AK8: variants seen among roughly 807,000 people sequenced by gnomAD.
AK8 encodes ATP-AMP transphosphorylase 8.
In AK8, 44 loss-of-function variants were observed where a neutral mutation model predicts 54.6. That is an observed-to-expected ratio of 0.81 (90% CI 0.63 to 1.04). The LOEUF (loss-of-function observed/expected upper bound fraction) is 1.04, where lower values mean the gene tolerates loss of function less well. Among genes scored for constraint, AK8 ranks in the 50% least tolerant of loss-of-function variants. The pLI, the probability that AK8 is intolerant of heterozygous loss-of-function variation, is 0.00. For missense variants in AK8, 555 were observed against 613.6 expected, an observed-to-expected ratio of 0.90 and a Z score of 1.01; for synonymous variants, 239 against 245.6, an observed-to-expected ratio of 0.97 and a Z score of 0.25.
chr9:132,759,872 TCGG>T (rs577286598), intron 11 of AK8, among the ~76,000 whole-genome samples: 37 of 152,314 alleles, frequency 2.4e-4, no homozygotes, highest in African/African-American at 8.9e-4. Context: ...TTGTCTTTCT[TCGG>T]GAATAACTTG....
intron 5 of AK8, among the ~76,000 whole-genome samples, chr9:132,846,913 C>G (rs1195784888): frequency 6.6e-6 from 1 of 152,250 alleles, no homozygotes; most frequent in Admixed American, 6.5e-5. Flanking sequence ...TCCCGTGAAG[C>G]TGGAGAAGCT....
At chr9:132,802,079 C>G (rs1840484929) in intron 10 of AK8, among the ~76,000 whole-genome samples, 1 of 152,224 alleles carries the variant, frequency 6.6e-6, no homozygotes, top group Admixed American at 6.5e-5. Flanking sequence ...CCAAGGCTTC[C>G]TCCTCTTCAT....
chr9:132,809,696 A>G (rs1840906172), intron 10 of AK8, among the ~76,000 whole-genome samples: 1 of 152,192 alleles, frequency 6.6e-6, no homozygotes, highest in Non-Finnish European at 1.5e-5. Context: ...GCAAACTCTG[A>G]GGTCTGTCTC....
In AK8 at chr9:132,784,241, C is replaced by G. The variant is rs145640068; in HGVS notation, c.1121+8393G>C. 5.7e-3 allele frequency among the ~76,000 whole-genome samples: 871 copies of G among 151,890 alleles called. 3 individuals are homozygous for G. The highest frequency in any genetic ancestry group is 0.017 in the African/African-American group (705 of 41,386). ...AGGCAAAAGAAACACATCCATAGGC[C>G]GGGCGCAGTGGCTCATGCCTGTAAT... On this transcript the variant is annotated intron_variant, in intron 11 of 12. Coordinates refer to ENST00000298545, the MANE Select transcript of AK8 (RefSeq NM_152572.3).
intron 7 of AK8, 39 bp downstream of exon 7, chr9:132,827,974 A>C (rs764290020): frequency 7.1e-6 from 11 of 1,546,754 alleles, no homozygotes; most frequent in Non-Finnish European, 9.6e-6. Context: ...ATGGACTCTG[A>C]AACCCCATGG....
chr9:132,830,912 A>C (rs1474044298), intron 5 of AK8, among the ~76,000 whole-genome samples: 1 of 152,166 alleles, frequency 6.6e-6, no homozygotes, highest in South Asian at 2.1e-4. Flanking sequence ...TACTCTTTAC[A>C]TGTAAATAGT....
chr9:132,793,759 C>T (rs1840039246), intron 10 of AK8, among the ~76,000 whole-genome samples: 1 of 152,204 alleles, frequency 6.6e-6, no homozygotes, highest in Admixed American at 6.5e-5. Flanking sequence ...TAGCAATTTG[C>T]ACTGTGTTTC....
intron 11 of AK8, among the ~76,000 whole-genome samples, chr9:132,756,504 T>A (rs1323194789): frequency 1.3e-5 from 2 of 152,238 alleles, no homozygotes; most frequent in African/African-American, 4.8e-5. Context: ...AACAAATTCC[T>A]TTTAAACCAC....
At chr9:132,865,793 C>A (rs1226627882) in intron 3 of AK8, among the ~76,000 whole-genome samples, 1 of 149,184 alleles carries the variant, frequency 6.7e-6, no homozygotes, top group African/African-American at 2.5e-5. Flanking sequence ...AACCTAGCAA[C>A]AGAGGGAGAC....
At position 132,799,430 on chromosome 9, in the gene AK8, G is replaced by A. The variant is rs1330863101; in HGVS notation, c.980-6655C>T. ...CCTAGGGCAAACAGGAAAGAGCTGA[G>A]TGCCTCCCCACACACCCTTGCACAT... On this transcript the variant is annotated intron_variant, in intron 10 of 12. Transcript: ENST00000298545. This position sits in a 1 kb window ranked among gnomAD's most constrained non-coding sequence, Gnocchi z 5.0. 6.6e-6 allele frequency among the ~76,000 whole-genome samples: 1 copy of A among 152,002 alleles called. No individual in the cohort carries two copies. The highest frequency in any genetic ancestry group is 2.4e-5 in the African/African-American group (1 of 41,368).
At position 132,738,058 on chromosome 9, in the gene AK8, T is replaced by C. The variant is rs1590173662; in HGVS notation, c.1122-10524A>G. On this transcript the variant is annotated intron_variant, in intron 11 of 12. Coordinates refer to ENST00000298545, the MANE Select transcript of AK8 (RefSeq NM_152572.3). ...ACAAGATTTCCCATTGCTGAATTAC[T>C]TTTTTTTTTTTTTGAGACAGAGTCT... 1.0e-3 allele frequency among the ~76,000 whole-genome samples: 5 copies of C among 4,898 alleles called. No individual in the cohort carries two copies. In the South Asian group the frequency reaches 0.05, roughly 49 times the overall value. The allele number at this position is 4,898 out of a possible 152,430, so 3.2% of individuals were successfully genotyped here.
chr9:132,878,258 A>G lies in AK8; in HGVS notation c.-3T>C. On this transcript the variant is annotated 5_prime_UTR_variant, in exon 1 of 13. Transcript: ENST00000298545. This position sits in a 1 kb window ranked among gnomAD's most constrained non-coding sequence, Gnocchi z 4.7. ...TGCGGGGCGATAGTGGCGTCCATGT[A>G]GCCGTCTCGGCTCGCCGCTCCCTAG... The G allele has an allele frequency of 1.5e-6, 2 of 1,367,542 alleles. No individual in the cohort carries two copies. Among genetic ancestry groups the G allele is most frequent in the Non-Finnish European group, 1.9e-6 (2 of 1,051,884 alleles). 84.7% of individuals were successfully genotyped at this position (1,367,542 alleles called of 1,614,324 possible).
chr9:132,727,522 C>G lies in AK8; in HGVS notation c.1134G>C (p.Leu378=). 6.2e-7 allele frequency: 1 copy of G among 1,613,868 alleles called. No individual in the cohort carries two copies. The change falls in exon 12 of 13, where the codon CTG becomes CTC. Residue 378 remains leucine (L), a synonymous_variant. Transcript: ENST00000298545. The stretch of plus-strand genomic sequence containing the variant: ...CCATGATGGAATCAAATGGCACATT[C>G]AGGAAAAACACCCTATAAGGAAATA... ...LGYNPNRVFF[L]NVPFDSIMER...
chr9:132,737,807 A>C (rs577466363), intron 11 of AK8, among the ~76,000 whole-genome samples: 1 of 152,368 alleles, frequency 6.6e-6, no homozygotes, highest in Non-Finnish European at 1.5e-5. Flanking sequence ...CCTAAAATTG[A>C]GAACAAGGCA....
intron 5 of AK8, among the ~76,000 whole-genome samples, chr9:132,836,850 C>A (rs1471002929): frequency 6.6e-6 from 1 of 152,220 alleles, no homozygotes; most frequent in African/African-American, 2.4e-5. Context: ...ATCTGTATAA[C>A]AGGAATGATG....
intron 11 of AK8, among the ~76,000 whole-genome samples, chr9:132,780,274 G>A (rs973974773): frequency 3.9e-5 from 6 of 152,188 alleles, no homozygotes; most frequent in South Asian, 2.1e-4. Context: ...TTTTGTCCTC[G>A]GAAATCTAAG....
chr9:132,875,256 C>T, intron 1 of AK8, 57 bp from the exon 2 acceptor site: 1 of 1,600,628 alleles, frequency 6.2e-7, no homozygotes, highest in South Asian at 1.1e-5. Context: ...ACCTGGTCAC[C>T]ACAGATACCA....
chr9:132,748,863 C>A (rs1402823452), intron 11 of AK8, among the ~76,000 whole-genome samples: 1 of 151,774 alleles, frequency 6.6e-6, no homozygotes, highest in Admixed American at 6.6e-5. Context: ...GATGAAGTGG[C>A]TAAGTTGTGT....
chr9:132,794,306 G>C (rs1038512292), intron 10 of AK8, among the ~76,000 whole-genome samples: 3 of 152,218 alleles, frequency 2.0e-5, no homozygotes, highest in African/African-American at 7.2e-5. Context: ...AGGATAAAGA[G>C]CAGTCTCCTT....
Sources: gnomAD v4.1 joint callset for allele counts (sites outside exome capture counted in the v4.1 genomes callset) on GRCh38, gnomAD v4.1.1 for gene constraint, Gnocchi (gnomAD v3.1) non-coding constraint, MANE v1.5 for transcripts, NCBI Gene and HGNC (gene_info 2026-07-23, HGNC 2026-07-21) for gene names.